Variants in ALDH1A2 observed in about 807,000 individuals in gnomAD.
ALDH1A2 encodes the protein retinal dehydrogenase 2.
ALDH1A2 carries 27 observed loss-of-function variants against 60.3 expected under a neutral mutation model. The observed-to-expected ratio is 0.45, with a 90% CI of 0.33 to 0.62. The LOEUF is 0.62. ALDH1A2 is among the 20% of genes least tolerant of loss of function. The pLI is 0.02. For synonymous variants in ALDH1A2, 289 were observed against 232.4 expected (o/e 1.24, Z -2.21); for missense variants, 581 against 643.8 (o/e 0.90, Z 1.06).
chr15:58,035,386 T>C (rs1259576972), intron 1 of ALDH1A2, among the ~76,000 whole-genome samples: 5 of 151,606 alleles, frequency 3.3e-5, no homozygotes, highest in African/African-American at 1.2e-4. Flanking sequence ...ATTAATTTTT[T>C]TCAAAGAACC....
chr15:58,011,134 T>G (rs1354458383), intron 3 of ALDH1A2, among the ~76,000 whole-genome samples: 4 of 152,330 alleles, frequency 2.6e-5, no homozygotes, highest in South Asian at 2.1e-4. Context: ...TCTACACCAG[T>G]AATCTGAATC....
chr15:58,027,956 C>T (rs1182026442), intron 1 of ALDH1A2, among the ~76,000 whole-genome samples: 3 of 152,114 alleles, frequency 2.0e-5, no homozygotes, highest in Non-Finnish European at 4.4e-5. Flanking sequence ...GACAATGGAA[C>T]CAAGTTAGAA....
intron 7 of ALDH1A2, among the ~76,000 whole-genome samples, chr15:57,975,471 A>G (rs542602495): frequency 5.8e-4 from 88 of 152,334 alleles, no homozygotes; most frequent in African/African-American, 2.0e-3. Flanking sequence ...GAATATTTGC[A>G]TTATACTTAC....
chr15:57,964,174 T>G, intron 8 of ALDH1A2, 105 bp from the exon 9 acceptor site: 1 of 1,200,140 alleles, frequency 8.3e-7, no homozygotes, highest in Non-Finnish European at 1.2e-6. Flanking sequence ...GTGTGCTCAC[T>G]GCATGACATA....
At chr15:58,044,096 G>T (rs1461357363) in intron 1 of ALDH1A2, among the ~76,000 whole-genome samples, 2 of 151,958 alleles carry the variant, frequency 1.3e-5, no homozygotes, top group Non-Finnish European at 2.9e-5. Flanking sequence ...TTGAAAAGAG[G>T]ACTTGATGGC....
At chr15:57,967,325 T>C (rs35453876) in intron 7 of ALDH1A2, among the ~76,000 whole-genome samples, 234 of 152,292 alleles carry the variant, frequency 1.5e-3, no homozygotes, top group African/African-American at 5.3e-3. Flanking sequence ...TGGTGTACCA[T>C]ATATGACACT....
chr15:58,020,485 T>C (rs1436705677), intron 1 of ALDH1A2, among the ~76,000 whole-genome samples: 2 of 152,182 alleles, frequency 1.3e-5, no homozygotes, highest in Non-Finnish European at 2.9e-5. Flanking sequence ...AATTTTCTTA[T>C]ATTTAATAGA....
chr15:57,978,765 G>C (rs564255010), intron 7 of ALDH1A2, among the ~76,000 whole-genome samples: 1 of 152,280 alleles, frequency 6.6e-6, no homozygotes, highest in African/African-American at 2.4e-5. Context: ...GGCCGGGCAC[G>C]GTGGCTCACG....
chr15:57,998,953 G>C (rs1246704348), intron 4 of ALDH1A2, among the ~76,000 whole-genome samples: 1 of 152,008 alleles, frequency 6.6e-6, no homozygotes, highest in African/African-American at 2.4e-5. Flanking sequence ...AATGGGGAAA[G>C]GATTCCCCAT....
chr15:58,028,826 G>A (rs544585518), intron 1 of ALDH1A2, among the ~76,000 whole-genome samples: 50 of 152,220 alleles, frequency 3.3e-4, no homozygotes, highest in Non-Finnish European at 2.8e-4. Context: ...ATGGTATAGG[G>A]ATCAATTCAA....
chr15:58,057,952 T>C (rs923154100), intron 1 of ALDH1A2: 16 of 885,382 alleles, frequency 1.8e-5, no homozygotes, highest in African/African-American at 1.4e-4. Flanking sequence ...AATTTTATAA[T>C]AAAATTAAAT....
intron 11 of ALDH1A2, 30 bp downstream of exon 11, chr15:57,961,107 A>G: frequency 6.2e-7 from 1 of 1,612,744 alleles, no homozygotes; most frequent in Non-Finnish European, 8.5e-7. Context: ...CCACCAGTGG[A>G]ATTTGTTACA....
intron 8 of ALDH1A2, 65 bp downstream of exon 8, chr15:57,965,660 G>T: frequency 3.5e-6 from 4 of 1,147,890 alleles, no homozygotes; most frequent in South Asian, 1.2e-5. Flanking sequence ...ATCAAAAGTG[G>T]AGATATAAAA....
intron 7 of ALDH1A2, among the ~76,000 whole-genome samples, chr15:57,992,133 T>C (rs1894916361): frequency 6.6e-6 from 1 of 152,238 alleles, no homozygotes; most frequent in Non-Finnish European, 1.5e-5. Flanking sequence ...TAAACTTTAA[T>C]TGGCACATAG....
chr15:58,004,446 C>A (rs1404224347), intron 4 of ALDH1A2, among the ~76,000 whole-genome samples: 1 of 151,714 alleles, frequency 6.6e-6, no homozygotes, highest in Admixed American at 6.6e-5. Flanking sequence ...TGGTACCCAA[C>A]AGGTAGTTTT....
chr15:57,961,402 G>C, intron 10 of ALDH1A2, 108 bp from the exon 11 acceptor site: 1 of 1,352,290 alleles, frequency 7.4e-7, no homozygotes, highest in South Asian at 1.2e-5. Context: ...TGACCTTTAA[G>C]TTTAGCAGTA....
chr15:58,065,348 C>T, intron 1 of ALDH1A2, 186 bp downstream of exon 1: 1 of 676,400 alleles, frequency 1.5e-6, no homozygotes, highest in Non-Finnish European at 2.7e-6. Flanking sequence ...GTCCTCAGAC[C>T]ACGGCGGGGC....
intron 4 of ALDH1A2, 91 bp from the exon 5 acceptor site, chr15:57,995,230 A>G (rs528578248): frequency 1.3e-6 from 1 of 755,744 alleles, no homozygotes; most frequent in Non-Finnish European, 2.2e-6. Context: ...AAAAAAAAAA[A>G]AAAAAACAAA....
chr15:57,968,455 C>T (rs1893962071), intron 7 of ALDH1A2, among the ~76,000 whole-genome samples: 1 of 152,224 alleles, frequency 6.6e-6, no homozygotes, highest in Non-Finnish European at 1.5e-5. Flanking sequence ...CCCTCTCCTT[C>T]TCCCTTCCTT....
Sources: allele counts gnomAD v4.1 joint callset (sites outside exome capture counted in the v4.1 genomes callset), GRCh38; gene constraint gnomAD v4.1.1; transcripts MANE v1.5; gene names NCBI Gene and HGNC (gene_info 2026-07-23, HGNC 2026-07-21).